SCIN: variants seen among roughly 807,000 people sequenced by gnomAD.
SCIN encodes the protein adseverin.
Under a neutral mutation model 91.8 loss-of-function variants are expected in SCIN, and 91 were observed. That is an observed-to-expected ratio of 0.99 (90% CI 0.84 to 1.18). The LOEUF is 1.18. SCIN is among the 50% of genes most tolerant of loss of function. The probability of loss-of-function intolerance (pLI) is 0.00; values close to 1 mark genes in which losing one functional copy is unlikely to be tolerated. For synonymous variants in SCIN, 367 were observed against 312.6 expected (o/e 1.17, Z -1.84); for missense variants, 1,087 against 863.9 (o/e 1.26, Z -3.24).
chr7:12,614,518 G>T (rs1404367316), intron 4 of SCIN, among the ~76,000 whole-genome samples: 1 of 152,116 alleles, frequency 6.6e-6, no homozygotes, highest in Non-Finnish European at 1.5e-5. Flanking sequence ...GGACTTGGGG[G>T]CAGGTTGTTA....
At position 12,640,516 on chromosome 7, in the gene SCIN, AG is replaced by A; in HGVS notation, c.1581+1del. On this transcript the variant is annotated frameshift_variant and splice_region_variant, in exon 11 of 16. Coordinates refer to ENST00000297029, the MANE Select transcript of SCIN (RefSeq NM_001112706.3). LOFTEE classifies it high-confidence loss of function. ...RNLASITRIV[E>X]VDVDANSLNS... Reference sequence around the variant, plus strand: ...CTGGCATCTATCACCAGAATTGTGGAGGTAATGTCATGCATTCCATAAAACA... The same window carrying A: ...CTGGCATCTATCACCAGAATTGTGGAGTAATGTCATGCATTCCATAAAACA... The A allele has an allele frequency of 6.2e-7, 1 of 1,606,970 alleles. No homozygotes were observed. Among genetic ancestry groups the A allele is most frequent in the East Asian group, 2.2e-5 (1 of 44,446 alleles).
intron 3 of SCIN, chr7:12,596,268 A>G (rs1782838975): frequency 2.3e-6 from 1 of 425,820 alleles, no homozygotes. Flanking sequence ...TCCTTTTTCC[A>G]GTGGCGTGTC....
chr7:12,594,935 T>A (rs1782808198), intron 3 of SCIN, among the ~76,000 whole-genome samples: 1 of 152,072 alleles, frequency 6.6e-6, no homozygotes, highest in Non-Finnish European at 1.5e-5. Context: ...TCTCAGAGGC[T>A]TTGATGGTGG....
At chr7:12,575,642 G>A (rs528502332) in intron 1 of SCIN, among the ~76,000 whole-genome samples, 84 of 152,176 alleles carry the variant, frequency 5.5e-4, no homozygotes, top group African/African-American at 1.9e-3. Context: ...GAAATTCATA[G>A]GATGTACACA....
chr7:12,601,208 CG>C lies in SCIN; in HGVS notation c.517-3301del, dbSNP rs564752812. ...GGATTAGGTCATCAGGAATGTTAAG[CG>C]GGGGTCAGAGAGACTATTGCAAGCC... On this transcript the variant is annotated intron_variant, in intron 3 of 15. Coordinates refer to ENST00000297029, the MANE Select transcript of SCIN (RefSeq NM_001112706.3). Among the ~76,000 whole-genome samples, 725 of 152,154 alleles carry C rather than the reference CG, an allele frequency of 4.8e-3. 1 individual carries two copies. The highest frequency in any genetic ancestry group is 6.9e-3 in the Non-Finnish European group (472 of 67,986).
At chr7:12,622,126 T>C (rs1328224301) in intron 4 of SCIN, among the ~76,000 whole-genome samples, 1 of 152,032 alleles carries the variant, frequency 6.6e-6, no homozygotes, top group African/African-American at 2.4e-5. Context: ...TATTTTAATA[T>C]AAAGAAATTC....
chr7:12,635,147 G>A (rs1783722252), intron 9 of SCIN, among the ~76,000 whole-genome samples: 1 of 151,844 alleles, frequency 6.6e-6, no homozygotes, highest in Non-Finnish European at 1.5e-5. Flanking sequence ...TCCAGCCTGG[G>A]TGATGAGTGA....
chr7:12,607,773 T>C (rs1207133085), intron 4 of SCIN, among the ~76,000 whole-genome samples: 1 of 152,238 alleles, frequency 6.6e-6, no homozygotes, highest in Admixed American at 6.5e-5. Context: ...AATGTAGTTT[T>C]GTAGCCTGAT....
chr7:12,594,788 G>C (rs564248113), intron 3 of SCIN, among the ~76,000 whole-genome samples: 1 of 152,260 alleles, frequency 6.6e-6, no homozygotes, highest in African/African-American at 2.4e-5. Flanking sequence ...GGTAGCTGCG[G>C]AGTCAGGCGT....
chr7:12,643,922 GAC>G (rs779017185), intron 11 of SCIN, among the ~76,000 whole-genome samples: 5 of 152,134 alleles, frequency 3.3e-5, no homozygotes, highest in Non-Finnish European at 7.4e-5. Context: ...CACAGAGACA[GAC>G]ACAGAGTCAC....
intron 9 of SCIN, among the ~76,000 whole-genome samples, chr7:12,632,601 A>T (rs1783669061): frequency 6.6e-6 from 1 of 152,178 alleles, no homozygotes; most frequent in African/African-American, 2.4e-5. Context: ...CAAATTTGCA[A>T]GGTGTTAAGG....
At chr7:12,604,171 G>A (rs539112736) in intron 3 of SCIN, among the ~76,000 whole-genome samples, 1 of 152,110 alleles carries the variant, frequency 6.6e-6, no homozygotes, top group East Asian at 1.9e-4. Context: ...TGATCATCAA[G>A]AGTATCATAT....
At position 12,636,113 on chromosome 7, in the gene SCIN, C is replaced by A. The variant is rs765719377; in HGVS notation, c.1388C>A (p.Ser463Tyr). 2 of 1,612,176 alleles carry A rather than the reference C, an allele frequency of 1.2e-6. No homozygotes were observed. The highest frequency in any genetic ancestry group is 1.7e-6 in the Non-Finnish European group (2 of 1,178,892). Residue 463 changes from serine (S) to tyrosine (Y), a missense_variant, in exon 10 of 16, where the codon TCC becomes TAC. Transcript: ENST00000297029. ...TTCCTGACTGTTCAGTTGGATCGGT[C>A]CCTTGGAGGACAGGCTGTGCAGGTT... ...SAFLTVQLDR[S>Y]LGGQAVQIRV...
In SCIN at chr7:12,643,572, C is replaced by T. The variant is rs557494907; in HGVS notation, c.1582-566C>T. On this transcript the variant is annotated intron_variant, in intron 11 of 15. Transcript: ENST00000297029. ...CCTTTAAAACTTCCAACAGCCATTC[C>T]TTCCACCTCTAGTGTTCTCTCCTTC... 4.6e-5 allele frequency among the ~76,000 whole-genome samples: 7 copies of T among 152,306 alleles called. 1 individual carries two copies. Among genetic ancestry groups the T allele is most frequent in the African/African-American group, 1.7e-4 (7 of 41,574 alleles).
intron 1 of SCIN, among the ~76,000 whole-genome samples, chr7:12,575,053 G>A (rs1343154468): frequency 6.6e-6 from 1 of 152,048 alleles, no homozygotes; most frequent in African/African-American, 2.4e-5. Context: ...TCCTGTACAT[G>A]TTTTTAAACT....
chr7:12,612,532 C>T (rs943245838), intron 4 of SCIN, among the ~76,000 whole-genome samples: 6 of 152,062 alleles, frequency 3.9e-5, no homozygotes, highest in African/African-American at 1.4e-4. Context: ...TAGTACACTC[C>T]TGAAATCCAA....
chr7:12,634,012 A>G (rs1002642635), intron 9 of SCIN, among the ~76,000 whole-genome samples: 3 of 147,440 alleles, frequency 2.0e-5, no homozygotes, highest in Non-Finnish European at 4.5e-5. Context: ...TACATCAACC[A>G]TTTGCCTTTT....
intron 15 of SCIN, among the ~76,000 whole-genome samples, chr7:12,652,274 T>C (rs1784094790): frequency 6.6e-6 from 1 of 152,210 alleles, no homozygotes; most frequent in Non-Finnish European, 1.5e-5. Flanking sequence ...CTGAAACGTA[T>C]AACAATAATT....
rs577872201 is a variant in SCIN, at chr7:12,594,722, C to T, written c.517-9792C>T. Reference sequence around the variant, plus strand: ...GGGTAGAGGAAGAAGGGACCACAGACGACAAAGACGAGAGAGGGCGGCGCC... The same window carrying T: ...GGGTAGAGGAAGAAGGGACCACAGATGACAAAGACGAGAGAGGGCGGCGCC... On this transcript the variant is annotated intron_variant, in intron 3 of 15. Transcript: ENST00000297029. Among the ~76,000 whole-genome samples, 17 of 152,090 alleles carry T rather than the reference C, an allele frequency of 1.1e-4. No homozygotes were observed. The South Asian group carries it at 1.7e-3, about 15-fold the overall frequency.
Sources: allele counts gnomAD v4.1 joint callset (sites outside exome capture counted in the v4.1 genomes callset), GRCh38; gene constraint gnomAD v4.1.1; transcripts MANE v1.5; gene names NCBI Gene and HGNC (gene_info 2026-07-23, HGNC 2026-07-21).